Variants in AK4 observed in about 807,000 individuals in gnomAD.
The protein encoded by AK4 is adenylate kinase 4, also known as adenylate kinase 4, mitochondrial.
Under a neutral mutation model 24.6 loss-of-function variants are expected in AK4, and 13 were observed. The observed-to-expected ratio is 0.53, with a 90% confidence interval of 0.34 to 0.84. The LOEUF is 0.84. AK4 is among the 40% of genes least tolerant of loss of function. The pLI, the probability that AK4 is intolerant of heterozygous loss-of-function variation, is 0.01. For missense variants in AK4, 192 were observed against 288.2 expected (o/e 0.67, Z 2.42); for synonymous variants, 88 against 107.0 (o/e 0.82, Z 1.10).
chr1:65,190,524 G>A (rs1307232546), intron 1 of AK4, among the ~76,000 whole-genome samples, 186 bp from the exon 2 acceptor site: 4 of 152,014 alleles, frequency 2.6e-5, no homozygotes, highest in African/African-American at 9.7e-5. Context: ...GGAGATAAAT[G>A]TGTTAAATAA....
chr1:65,162,906 T>C (rs1570071918), intron 1 of AK4, among the ~76,000 whole-genome samples: 1 of 152,312 alleles, frequency 6.6e-6, no homozygotes, highest in East Asian at 1.9e-4. Context: ...ATGTGACTTT[T>C]TGTGTCTGGC....
chr1:65,226,395 C>G lies in AK4; in HGVS notation c.*218C>G. The G allele has an allele frequency of 3.5e-6, 2 of 572,124 alleles. No homozygotes were observed. The highest frequency in any genetic ancestry group is 6.0e-6 in the Non-Finnish European group (2 of 334,926). The allele number at this position is 572,124 out of a possible 1,614,324, so 35.4% of individuals were successfully genotyped here. Reference sequence around the variant, plus strand: ...GGTCACCTACACATGTTTAAGGTGTCTCTGCACATGTCTCAAGCCCATCAC... The same window carrying G: ...GGTCACCTACACATGTTTAAGGTGTGTCTGCACATGTCTCAAGCCCATCAC... On this transcript the variant is annotated 3_prime_UTR_variant, in exon 5 of 5. Transcript: ENST00000327299.
At chr1:65,187,016 A>T (rs182711945) in intron 1 of AK4, among the ~76,000 whole-genome samples, 1 of 152,314 alleles carries the variant, frequency 6.6e-6, no homozygotes, top group East Asian at 1.9e-4. Flanking sequence ...GAAAACATTA[A>T]GCTAAGTGAA....
At chr1:65,149,325 T>C (rs1649689127) in intron 1 of AK4, among the ~76,000 whole-genome samples, 1 of 152,234 alleles carries the variant, frequency 6.6e-6, no homozygotes, top group Admixed American at 6.5e-5. Context: ...TGGGGATATA[T>C]AGATCGCCTG....
chr1:65,175,910 G>A (rs1162207899), intron 1 of AK4, among the ~76,000 whole-genome samples: 1 of 152,174 alleles, frequency 6.6e-6, no homozygotes, highest in African/African-American at 2.4e-5. Flanking sequence ...ATATAAAGCC[G>A]CGTGTGGTAT....
intron 1 of AK4, among the ~76,000 whole-genome samples, chr1:65,181,314 A>G (rs1348617322): frequency 6.6e-6 from 1 of 151,536 alleles, no homozygotes; most frequent in African/African-American, 2.4e-5. Context: ...TTGTATATGC[A>G]TGTAGCCATC....
intron 2 of AK4, among the ~76,000 whole-genome samples, chr1:65,205,007 T>A (rs1651772809): frequency 6.6e-6 from 1 of 152,218 alleles, no homozygotes; most frequent in Non-Finnish European, 1.5e-5. Context: ...TGAGTAAAGG[T>A]GCACTGCTGT....
rs192663245 is a variant in AK4, at chr1:65,166,638, T to C, written c.145+18086T>C. ...CCCAGACTCTAGCAATCCTCCCACC[T>C]CCGTTTCCCATGTAGCCAGGACTAC... On this transcript the variant is annotated intron_variant, in intron 1 of 4. Coordinates refer to ENST00000327299, the MANE Select transcript of AK4 (RefSeq NM_013410.4). Among the ~76,000 whole-genome samples, 303 of 152,216 alleles carry C rather than the reference T, an allele frequency of 2.0e-3. 1 individual carries two copies. The highest frequency in any genetic ancestry group is 6.2e-3 in the African/African-American group (256 of 41,540).
chr1:65,173,636 G>A (rs561658411), intron 1 of AK4, among the ~76,000 whole-genome samples: 1 of 152,294 alleles, frequency 6.6e-6, no homozygotes, highest in African/African-American at 2.4e-5. Flanking sequence ...GGAGGCCAAG[G>A]TGGGCAGATC....
intron 2 of AK4, among the ~76,000 whole-genome samples, chr1:65,198,814 T>C (rs761179227): frequency 7.9e-5 from 12 of 152,032 alleles, no homozygotes; most frequent in African/African-American, 2.2e-4. Context: ...TGGTAGCTTA[T>C]GCTTGTAATC....
intron 1 of AK4, among the ~76,000 whole-genome samples, chr1:65,156,634 A>G (rs577186332): frequency 6.6e-6 from 1 of 152,258 alleles, no homozygotes; most frequent in African/African-American, 2.4e-5. Flanking sequence ...ATTAAAATTT[A>G]GAAAATTTGC....
rs1243848784 is a variant in AK4 at position 65,226,599 on chromosome 1, C to T, written c.*422C>T. ...GAAGCCTGAGAATGAATCCTGAGGG[C>T]TCTAGCCCAGGCTTTGTCCCAGGCT... On this transcript the variant is annotated 3_prime_UTR_variant, in exon 5 of 5. Transcript: ENST00000327299. The T allele has an allele frequency of 6.3e-6, 1 of 157,730 alleles. No homozygotes were observed. Among genetic ancestry groups the T allele is most frequent in the African/African-American group, 2.4e-5 (1 of 41,490 alleles). 9.8% of individuals were successfully genotyped at this position (157,730 alleles called of 1,614,324 possible).
At chr1:65,219,011 G>C (rs756061553) in intron 3 of AK4, 85 bp downstream of exon 3, 4 of 1,042,848 alleles carry the variant, frequency 3.8e-6, no homozygotes, top group Non-Finnish European at 5.2e-6. Flanking sequence ...GATATGAGTA[G>C]ACCATTCAAA....
At chr1:65,186,514 CT>C (rs1651106877) in intron 1 of AK4, among the ~76,000 whole-genome samples, 1 of 152,170 alleles carries the variant, frequency 6.6e-6, no homozygotes, top group Admixed American at 6.5e-5. Context: ...ACTGTTTTAA[CT>C]TTTCCTTCTT....
chr1:65,177,987 GTTTTCTGAGTCTTAA>G (rs71056083), intron 1 of AK4, among the ~76,000 whole-genome samples: 9,565 of 152,112 alleles, frequency 0.063, 433 homozygotes, highest in Non-Finnish European at 0.091. Context: ...GTTGAGAAGG[GTTTTCTGAGTCTTAA>G]TTGCCTGAAA....
chr1:65,182,361 G>T (rs369525954), intron 1 of AK4, among the ~76,000 whole-genome samples: 17 of 152,246 alleles, frequency 1.1e-4, no homozygotes, highest in African/African-American at 4.1e-4. Flanking sequence ...TGGAATCGAG[G>T]TGATGATCTG....
At chr1:65,160,519 C>T (rs910658151) in intron 1 of AK4, among the ~76,000 whole-genome samples, 1 of 152,072 alleles carries the variant, frequency 6.6e-6, no homozygotes, top group Non-Finnish European at 1.5e-5. Flanking sequence ...TCAAGCAGTT[C>T]TCCTGCCTCA....
chr1:65,190,560 A>C, intron 1 of AK4, 150 bp from the exon 2 acceptor site: 6 of 854,466 alleles, frequency 7.0e-6, no homozygotes, highest in Admixed American at 3.1e-5. Flanking sequence ...TATTGACGTG[A>C]ATATTTTAAA....
intron 2 of AK4, among the ~76,000 whole-genome samples, chr1:65,195,422 A>G (rs1266917219): frequency 6.6e-6 from 1 of 152,210 alleles, no homozygotes; most frequent in Admixed American, 6.5e-5. Context: ...ACCACGTAAC[A>G]GTAATTTCTC....
Sources: gnomAD v4.1 joint callset for allele counts (sites outside exome capture counted in the v4.1 genomes callset) on GRCh38, gnomAD v4.1.1 for gene constraint, MANE v1.5 for transcripts, NCBI Gene and HGNC (gene_info 2026-07-23, HGNC 2026-07-21) for gene names.